Variants in NFATC1 observed in about 807,000 individuals in gnomAD.
NFATC1 encodes the protein nuclear factor of activated T-cells, cytoplasmic 1.
Under a neutral mutation model 76.0 loss-of-function variants are expected in NFATC1, and 22 were observed. The observed-to-expected ratio is 0.29, with a 90% CI of 0.21 to 0.41. The LOEUF is 0.41. Among genes scored for constraint, NFATC1 ranks in the 10% least tolerant of loss-of-function variants. NFATC1 has a pLI of 1.00. For synonymous variants in NFATC1, 704 were observed against 613.1 expected, an observed-to-expected ratio of 1.15 and a Z score of -2.19; for missense variants, 1,357 against 1,337.7, an observed-to-expected ratio of 1.01 and a Z score of -0.23.
intron 8 of NFATC1, among the ~76,000 whole-genome samples, chr18:79,473,812 T>C (rs2088895529): frequency 6.7e-6 from 1 of 149,602 alleles, no homozygotes; most frequent in African/African-American, 2.5e-5. Context: ...TCACGCTCAC[T>C]GTTGACGTAA....
Position 79,464,670 on chromosome 18 carries a change from G to A in NFATC1, c.1960-2780G>A, listed in dbSNP as rs772489753. Among the ~76,000 whole-genome samples, 23 of 112,678 alleles carry A rather than the reference G, an allele frequency of 2.0e-4. 1 individual carries two copies. The highest frequency in any genetic ancestry group is 1.6e-3 in the East Asian group (6 of 3,740). The allele number at this position is 112,678 out of a possible 152,430, so 73.9% of individuals were successfully genotyped here. A position where few individuals can be genotyped will look rare whatever the true frequency, so the allele number is the denominator to read the frequency against. ...TGTTTGTGTGTGTGTGTGTGTGTGT[G>A]TATATGTATGTGTATATATATATAT... On this transcript the variant is annotated intron_variant, in intron 7 of 9. Transcript: ENST00000427363.
intron 2 of NFATC1, among the ~76,000 whole-genome samples, chr18:79,420,612 CT>C (rs918589439): frequency 1.3e-5 from 2 of 151,464 alleles, no homozygotes; most frequent in African/African-American, 4.9e-5. Context: ...GGAGACGTCG[CT>C]GCAGAGGGGA....
chr18:79,471,931 C>T (rs1476091413), intron 8 of NFATC1, among the ~76,000 whole-genome samples: 3 of 152,240 alleles, frequency 2.0e-5, no homozygotes, highest in Admixed American at 2.0e-4. Context: ...ACCAGCCCTT[C>T]TGCTGGCCCT....
intron 4 of NFATC1, among the ~76,000 whole-genome samples, chr18:79,449,401 T>A (rs1471746699): frequency 6.6e-6 from 1 of 152,268 alleles, no homozygotes; most frequent in African/African-American, 2.4e-5. Context: ...GTTCTGAGTC[T>A]AATTTGACAC....
intron 6 of NFATC1, among the ~76,000 whole-genome samples, chr18:79,455,613 C>T (rs568338018): frequency 7.9e-5 from 12 of 152,290 alleles, no homozygotes; most frequent in Admixed American, 2.0e-4. Flanking sequence ...GTGGCCTGCA[C>T]GGTGGGAGCG....
At chr18:79,492,041 G>A (rs548796573) in intron 9 of NFATC1, among the ~76,000 whole-genome samples, 2 of 152,360 alleles carry the variant, frequency 1.3e-5, no homozygotes, top group African/African-American at 2.4e-5. Context: ...TTTTCTGTGC[G>A]TAGTGGTTTT....
intron 3 of NFATC1, among the ~76,000 whole-genome samples, chr18:79,447,304 G>A (rs1021751005): frequency 7.9e-5 from 12 of 152,194 alleles, no homozygotes; most frequent in African/African-American, 2.4e-4. Context: ...CTTCTCCCTC[G>A]CCTCGCTGGC....
rs149271669 is a variant in NFATC1, at chr18:79,527,561, C to T, written c.2816C>T (p.Thr939Met). The change falls in exon 10 of 10, where the codon ACG becomes ATG. Residue 939 changes from threonine to methionine, a missense_variant. This residue lies in a region of NFATC1 where 424 missense variants were observed against 395.4 expected (regional missense o/e 1.07). Coordinates refer to ENST00000427363, the MANE Select transcript of NFATC1 (RefSeq NM_001278669.2). ...ATAATACGAAATGACCTCTCCAGCA[C>T]GAGCACCCACTCCTAGTTGCCACAT... Reference protein sequence around the residue: ...NEIIRNDLSSTSTHS With the variant: ...NEIIRNDLSSMSTHS 56 of 1,614,030 alleles carry T rather than the reference C, an allele frequency of 3.5e-5. No individual in the cohort carries two copies. The East Asian group carries it at 4.0e-4, about 12-fold the overall frequency.
chr18:79,411,346 G>C lies in NFATC1; in HGVS notation c.1071G>C (p.Leu357=). Residue 357 remains leucine, a synonymous_variant, in exon 2 of 10, where the codon CTG becomes CTC. Coordinates refer to ENST00000427363, the MANE Select transcript of NFATC1 (RefSeq NM_001278669.2). The stretch of plus-strand genomic sequence containing the variant: ...AGGTGGAGCCCGTCGGGGAGGACCT[G>C]GGCAGCCCCCCGCCCCCGGCCGACT... The part of the protein sequence containing the change: ...ALKVEPVGED[L]GSPPPPADFA... 10 of 1,596,172 alleles carry C rather than the reference G, an allele frequency of 6.3e-6. No homozygotes were observed. Among genetic ancestry groups the C allele is most frequent in the Non-Finnish European group, 7.7e-6 (9 of 1,173,212 alleles).
rs975573306 is a variant in NFATC1 at position 79,461,245 on chromosome 18, G to A, written c.1904-66G>A. 5 of 1,582,608 alleles carry A rather than the reference G, an allele frequency of 3.2e-6. No homozygotes were observed. In the African/African-American group the frequency reaches 4.0e-5, roughly 13 times the overall value. ...CAGGGCCCTGGGTCTGGATCACGTG[G>A]GGGTGTCTGGGGAGGGGGCTCCCCA... On this transcript the variant is annotated intron_variant, in intron 6 of 9. Transcript: ENST00000427363.
At chr18:79,471,688 G>T (rs1036125366) in intron 8 of NFATC1, among the ~76,000 whole-genome samples, 1 of 152,198 alleles carries the variant, frequency 6.6e-6, no homozygotes, top group African/African-American at 2.4e-5. Flanking sequence ...GGGACACGCG[G>T]TCCAGCTGAG....
chr18:79,486,864 T>C lies in NFATC1; in HGVS notation c.2709T>C (p.Ser903=). The change falls in exon 9 of 10, where the codon AGT becomes AGC. Residue 903 remains serine (S), a synonymous_variant. Transcript: ENST00000427363. The stretch of plus-strand genomic sequence containing the variant: ...TGCCAGAGGTGCATGAGGACGGTAG[T>C]CCTAATTTGGCCCCTATTCCTGTAA... The part of the protein sequence containing the change: ...RLLPEVHEDG[S]PNLAPIPVTV... The C allele has an allele frequency of 6.2e-7, 1 of 1,611,616 alleles. No homozygotes were observed. The highest frequency in any genetic ancestry group is 8.5e-7 in the Non-Finnish European group (1 of 1,179,378).
Position 79,410,565 on chromosome 18 carries a change from C to T in NFATC1, c.290C>T (p.Pro97Leu). The T allele has an allele frequency of 6.2e-7, 1 of 1,611,678 alleles. No homozygotes were observed. Among genetic ancestry groups the T allele is most frequent in the Non-Finnish European group, 8.5e-7 (1 of 1,179,996 alleles). Residue 97 changes from proline (P) to leucine (L), a missense_variant, in exon 2 of 10, where the codon CCC becomes CTC. Around this residue, in one of 3 missense-constraint regions of NFATC1, gnomAD observed 691 missense variants for 613.1 expected, o/e 1.13. Transcript: ENST00000427363. This position sits in a 1 kb window ranked among gnomAD's most constrained non-coding sequence, Gnocchi z 6.7. ...SGYGAALDGG[P>L]AGYFLSSGHT... ...TACGGAGCAGCTTTGGACGGTGGGC[C>T]CGCGGGCTACTTCCTCTCCTCCGGC...
rs2087918000 is a variant in NFATC1, at chr18:79,459,202, T to C, written c.1904-2109T>C. ...GTGCTCCCAGGTGTGCGGTGGAGGC[T>C]GCTCCATGGCAGCTGCTGAGCTGGG... On this transcript the variant is annotated intron_variant, in intron 6 of 9. Coordinates refer to ENST00000427363, the MANE Select transcript of NFATC1 (RefSeq NM_001278669.2). 2.6e-5 allele frequency among the ~76,000 whole-genome samples: 4 copies of C among 152,236 alleles called. No homozygotes were observed. The South Asian group carries it at 8.3e-4, about 31-fold the overall frequency.
chr18:79,473,767 C>CA, intron 8 of NFATC1, among the ~76,000 whole-genome samples: 1 of 148,396 alleles, frequency 6.7e-6, no homozygotes, highest in East Asian at 2.0e-4. Flanking sequence ...AGTGTATTCT[C>CA]ACGCTGTCGA....
At chr18:79,474,924 C>G (rs1365155877) in intron 8 of NFATC1, among the ~76,000 whole-genome samples, 2 of 134,758 alleles carry the variant, frequency 1.5e-5, no homozygotes, top group East Asian at 4.7e-4. Context: ...CTCACGCTCG[C>G]TGTCAACGTA....
At chr18:79,490,293 C>CCGCT (rs2089639943) in intron 9 of NFATC1, among the ~76,000 whole-genome samples, 1 of 151,754 alleles carries the variant, frequency 6.6e-6, no homozygotes, top group African/African-American at 2.4e-5. Context: ...GGTGCAGGCC[C>CCGCT]CGCTCTGGGT....
intron 2 of NFATC1, among the ~76,000 whole-genome samples, chr18:79,412,479 T>C (rs1600628737): frequency 6.6e-6 from 1 of 151,820 alleles, no homozygotes; most frequent in African/African-American, 2.4e-5. Context: ...ACTCCTTTTT[T>C]ATTAGCGAGC....
rs984644412 is a variant in NFATC1 at position 79,408,651 on chromosome 18, C to A, written c.128-1752C>A. 1.6e-3 allele frequency among the ~76,000 whole-genome samples: 242 copies of A among 152,216 alleles called. 8 individuals carry two copies. Among genetic ancestry groups the A allele is most frequent in the Non-Finnish European group, 4.9e-4 (33 of 68,034 alleles). ...TTCTTTGTAGCTGGTGATTAGGGCA[C>A]CTTGACAGTGATAAGCCTGTTAAAA... On this transcript the variant is annotated intron_variant, in intron 1 of 9. Transcript: ENST00000427363.
Sources: allele counts gnomAD v4.1 joint callset (sites outside exome capture counted in the v4.1 genomes callset), GRCh38; gene constraint gnomAD v4.1.1; regional missense constraint gnomAD v4.1.1; non-coding constraint Gnocchi (gnomAD v3.1); transcripts MANE v1.5; gene names NCBI Gene and HGNC (gene_info 2026-07-23, HGNC 2026-07-21).